The following CLMP variants were observed in gnomAD, a reference collection of about 807,000 sequenced individuals.
CLMP encodes the protein CXADR-like membrane protein.
A neutral mutation model predicts 45.2 loss-of-function variants in CLMP; 27 were observed. That is an observed-to-expected ratio of 0.60 (90% CI 0.44 to 0.82). The LOEUF (loss-of-function observed/expected upper bound fraction) is 0.82, where lower values mean the gene tolerates loss of function less well. CLMP is among the 40% of genes least tolerant of loss of function. The probability of loss-of-function intolerance (pLI) is 0.00; values close to 1 mark genes in which losing one functional copy is unlikely to be tolerated. For missense variants in CLMP, 403 were observed against 448.4 expected (o/e 0.90, Z 0.91); for synonymous variants, 167 against 171.4 (o/e 0.97, Z 0.20).
At chr11:123,112,838 A>G (rs1468062018) in intron 1 of CLMP, among the ~76,000 whole-genome samples, 1 of 146,930 alleles carries the variant, frequency 6.8e-6, no homozygotes, top group East Asian at 2.0e-4. Flanking sequence ...CAGTGGCGCA[A>G]TCTTGGCTCA....
At chr11:123,082,559 C>G (rs1233916547) in intron 5 of CLMP, among the ~76,000 whole-genome samples, 3 of 151,730 alleles carry the variant, frequency 2.0e-5, no homozygotes, top group African/African-American at 7.3e-5. Flanking sequence ...CCTCGGCCTC[C>G]CGAAGTGCTG....
At chr11:123,117,587 T>C (rs1215510498) in intron 1 of CLMP, among the ~76,000 whole-genome samples, 2 of 151,996 alleles carry the variant, frequency 1.3e-5, no homozygotes, top group East Asian at 3.9e-4. Flanking sequence ...CCACCATGCC[T>C]GGCTAATTTT....
rs891972234 is a variant in CLMP at position 123,148,772 on chromosome 11, G to C, written c.28+46141C>G. 3.9e-5 allele frequency among the ~76,000 whole-genome samples: 6 copies of C among 152,288 alleles called. No individual in the cohort carries two copies. The East Asian group carries it at 1.2e-3, about 29-fold the overall frequency. ...TTACAGTGGGAAGCTAGTCAATTGC[G>C]TGCATGGCCCAGGTTCTAGTCATTG... On this transcript the variant is annotated intron_variant, in intron 1 of 6. Coordinates refer to ENST00000448775, the MANE Select transcript of CLMP (RefSeq NM_024769.5).
intron 1 of CLMP, among the ~76,000 whole-genome samples, chr11:123,133,945 G>A (rs1175903551): frequency 6.6e-6 from 1 of 151,986 alleles, no homozygotes; most frequent in African/African-American, 2.4e-5. Flanking sequence ...CCTTATGAAG[G>A]CTCTCATGTC....
chr11:123,097,551 A>G (rs557614384), intron 2 of CLMP, among the ~76,000 whole-genome samples: 63 of 151,580 alleles, frequency 4.2e-4, no homozygotes, highest in Admixed American at 3.9e-4. Context: ...CTGGTCTCGA[A>G]CTCCTGACCT....
chr11:123,119,192 C>A (rs765125844), intron 1 of CLMP, among the ~76,000 whole-genome samples: 24 of 151,228 alleles, frequency 1.6e-4, no homozygotes, highest in Non-Finnish European at 3.2e-4. Flanking sequence ...CAAGCGATTC[C>A]CCTGCCTCAG....
chr11:123,154,821 G>C (rs1861390037), intron 1 of CLMP, among the ~76,000 whole-genome samples: 1 of 152,136 alleles, frequency 6.6e-6, no homozygotes, highest in African/African-American at 2.4e-5. Flanking sequence ...TGTTCTGATG[G>C]GCAGTTATAC....
rs138014205 is a variant in CLMP, at chr11:123,112,611, C to T, written c.29-14659G>A. Among the ~76,000 whole-genome samples, 663 of 151,712 alleles carry T rather than the reference C, an allele frequency of 4.4e-3. 5 individuals carry two copies. The highest frequency in any genetic ancestry group is 0.016 in the African/African-American group (643 of 41,382). On this transcript the variant is annotated intron_variant, in intron 1 of 6. Coordinates refer to ENST00000448775, the MANE Select transcript of CLMP (RefSeq NM_024769.5). ...CCTCGGCCTCCCAAAGTGCTGGGAT[C>T]GCAGGCGTGAGCCGCTGTGCTCGGC... is the stretch of plus-strand genomic sequence containing the variant.
rs532048422 is a variant in CLMP at position 123,110,283 on chromosome 11, G to A, written c.29-12331C>T. On this transcript the variant is annotated intron_variant, in intron 1 of 6. Coordinates refer to ENST00000448775, the MANE Select transcript of CLMP (RefSeq NM_024769.5). ...AGCCTGCCCAACATGGTGAAACCCC[G>A]TCTCTACTAAAAACACAAAAATTAG... Among the ~76,000 whole-genome samples, 15 of 152,012 alleles carry A rather than the reference G, an allele frequency of 9.9e-5. No individual in the cohort carries two copies. The East Asian group carries it at 1.4e-3, about 14-fold the overall frequency.
chr11:123,144,907 G>C (rs59135714), intron 1 of CLMP, among the ~76,000 whole-genome samples: 23,387 of 151,950 alleles, frequency 0.15, 2,120 homozygotes, highest in South Asian at 0.25. Flanking sequence ...CTTTCCTGCT[G>C]TCCCGGTTTT....
At chr11:123,147,089 C>T (rs1861249621) in intron 1 of CLMP, among the ~76,000 whole-genome samples, 1 of 152,192 alleles carries the variant, frequency 6.6e-6, no homozygotes, top group Non-Finnish European at 1.5e-5. Flanking sequence ...TCTTTGCCTT[C>T]AGTTTCATAT....
At chr11:123,132,933 A>G (rs978945917) in intron 1 of CLMP, among the ~76,000 whole-genome samples, 1 of 150,826 alleles carries the variant, frequency 6.6e-6, no homozygotes, top group Non-Finnish European at 1.5e-5. Flanking sequence ...ATGCCCAGCT[A>G]ATTTTTGTAT....
chr11:123,190,462 C>G (rs1326538962), intron 1 of CLMP, among the ~76,000 whole-genome samples: 1 of 152,058 alleles, frequency 6.6e-6, no homozygotes, highest in Admixed American at 6.5e-5. Flanking sequence ...TTAGAGATAA[C>G]CTTAATCTCA....
intron 5 of CLMP, among the ~76,000 whole-genome samples, 156 bp downstream of exon 5, chr11:123,082,929 G>A (rs1046304807): frequency 6.6e-6 from 1 of 152,118 alleles, no homozygotes; most frequent in Non-Finnish European, 1.5e-5. Flanking sequence ...AGTGGTCTTT[G>A]CAACTACTGA....
At chr11:123,145,461 T>TGTTTGTTTGTTTG (rs879413375) in intron 1 of CLMP, among the ~76,000 whole-genome samples, 1 of 88,558 alleles carries the variant, frequency 1.1e-5, no homozygotes, top group African/African-American at 5.3e-5. Flanking sequence ...TGTTTTTTTT[T>TGTTTGTTTGTTTG]TTTTTTTTTT....
intron 1 of CLMP, among the ~76,000 whole-genome samples, chr11:123,180,907 G>C (rs1443049540): frequency 1.3e-5 from 2 of 152,166 alleles, no homozygotes. Context: ...TGGATGCCTG[G>C]AGAGAAGGTC....
chr11:123,162,898 C>T lies in CLMP; in HGVS notation c.28+32015G>A, dbSNP rs74740004. Among the ~76,000 whole-genome samples, 505 of 150,808 alleles carry T rather than the reference C, an allele frequency of 3.3e-3. 12 individuals carry two copies. The East Asian group carries it at 0.051, about 15-fold the overall frequency. Reference sequence around the variant, plus strand: ...CCAGCCTGGGTGATAGAGTGAGACCCTGTCTCAAAAAAAAAAGAGAGAAGA... The same window carrying T: ...CCAGCCTGGGTGATAGAGTGAGACCTTGTCTCAAAAAAAAAAGAGAGAAGA... On this transcript the variant is annotated intron_variant, in intron 1 of 6. Transcript: ENST00000448775.
chr11:123,113,775 C>G (rs980169796), intron 1 of CLMP, among the ~76,000 whole-genome samples: 1 of 152,128 alleles, frequency 6.6e-6, no homozygotes, highest in Admixed American at 6.6e-5. Flanking sequence ...TAATAATTGT[C>G]AGGATAAGGA....
intron 1 of CLMP, among the ~76,000 whole-genome samples, chr11:123,172,615 G>A (rs1861651328): frequency 6.6e-6 from 1 of 152,012 alleles, no homozygotes; most frequent in Admixed American, 6.6e-5. Flanking sequence ...CCATGTAGCT[G>A]GGACTATAGT....
Sources: allele counts gnomAD v4.1 joint callset (sites outside exome capture counted in the v4.1 genomes callset), GRCh38; gene constraint gnomAD v4.1.1; transcripts MANE v1.5; gene names NCBI Gene and HGNC (gene_info 2026-07-23, HGNC 2026-07-21).